Variants in SLC9A9 observed in about 807,000 individuals in gnomAD.
SLC9A9 encodes the protein solute carrier family 9 member A9.
Under a neutral mutation model 77.8 loss-of-function variants are expected in SLC9A9, and 62 were observed. The ratio of observed to expected loss-of-function variants is 0.80; its 90% CI spans 0.65 to 0.98. The LOEUF (loss-of-function observed/expected upper bound fraction) is 0.98, where lower values mean the gene tolerates loss of function less well. Ranked by LOEUF, SLC9A9 falls within the 50% of genes least tolerant of loss-of-function variation. The pLI is 0.00. For synonymous variants in SLC9A9, 320 were observed against 283.5 expected (o/e 1.13, Z -1.29); for missense variants, 775 against 774.9 (o/e 1.00, Z 0.00).
At chr3:143,510,692 A>G (rs1357093110) in intron 9 of SLC9A9, among the ~76,000 whole-genome samples, 1 of 152,182 alleles carries the variant, frequency 6.6e-6, no homozygotes, top group African/African-American at 2.4e-5. Context: ...CATATGTTCC[A>G]GTAATTTTGC....
chr3:143,640,005 CTTTCTTTTTT>C (rs1283251925), intron 6 of SLC9A9, among the ~76,000 whole-genome samples: 8 of 141,978 alleles, frequency 5.6e-5, no homozygotes, highest in African/African-American at 1.1e-4. Context: ...TCAGTAATTC[CTTTCTTTTTT>C]TTTCTTTTTT....
chr3:143,450,554 T>C (rs1170220974), intron 12 of SLC9A9, among the ~76,000 whole-genome samples: 1 of 150,792 alleles, frequency 6.6e-6, no homozygotes, highest in African/African-American at 2.4e-5. Flanking sequence ...TTAACAAGCA[T>C]GTATTATTTT....
At chr3:143,447,416 T>TA (rs2034865419) in intron 12 of SLC9A9, among the ~76,000 whole-genome samples, 1 of 152,236 alleles carries the variant, frequency 6.6e-6, no homozygotes, top group Admixed American at 6.5e-5. Context: ...GTCTTGTGTT[T>TA]CTTTTGTTGC....
chr3:143,608,128 G>A (rs1360852898), intron 6 of SLC9A9, among the ~76,000 whole-genome samples: 3 of 152,170 alleles, frequency 2.0e-5, no homozygotes, highest in Admixed American at 1.3e-4. Flanking sequence ...ACATAATGGT[G>A]AAGAATAGCA....
chr3:143,750,735 A>G (rs202124990), intron 4 of SLC9A9, among the ~76,000 whole-genome samples: 2 of 34,666 alleles, frequency 5.8e-5, no homozygotes, highest in African/African-American at 1.7e-4. Context: ...ATATATATCT[A>G]TATATATATA....
intron 1 of SLC9A9, among the ~76,000 whole-genome samples, chr3:143,835,174 C>T (rs754010734): frequency 6.6e-6 from 1 of 152,216 alleles, no homozygotes; most frequent in East Asian, 1.9e-4. Flanking sequence ...TGACAGCTGT[C>T]CTGGCATCCT....
chr3:143,813,603 C>T (rs1361521388), intron 2 of SLC9A9, among the ~76,000 whole-genome samples: 1 of 152,148 alleles, frequency 6.6e-6, no homozygotes, highest in African/African-American at 2.4e-5. Context: ...CCAGTTGGGT[C>T]TCTCTGGGTG....
chr3:143,582,208 C>G (rs914369256), intron 6 of SLC9A9, among the ~76,000 whole-genome samples: 1 of 152,110 alleles, frequency 6.6e-6, no homozygotes, highest in African/African-American at 2.4e-5. Flanking sequence ...TTAATTTGAG[C>G]CCAAGATCTG....
chr3:143,477,330 A>ATTTTTTTTTTTTT (rs59195338), intron 11 of SLC9A9, among the ~76,000 whole-genome samples: 1 of 100,014 alleles, frequency 1.0e-5, no homozygotes, highest in African/African-American at 3.8e-5. Context: ...GGCTTCTTCA[A>ATTTTTTTTTTTTT]TTTTTTTTTT....
chr3:143,368,112 A>G (rs2032958335), intron 13 of SLC9A9, among the ~76,000 whole-genome samples: 1 of 152,222 alleles, frequency 6.6e-6, no homozygotes, highest in South Asian at 2.1e-4. Flanking sequence ...TTTTTCTGCG[A>G]AACTTTTAGA....
intron 6 of SLC9A9, among the ~76,000 whole-genome samples, chr3:143,590,061 T>C (rs888110435): frequency 6.6e-6 from 1 of 152,236 alleles, no homozygotes; most frequent in Admixed American, 6.5e-5. Flanking sequence ...ACCTCTCCTC[T>C]ATATTGAATG....
intron 6 of SLC9A9, among the ~76,000 whole-genome samples, chr3:143,605,642 T>A (rs2037909030): frequency 6.6e-6 from 1 of 152,224 alleles, no homozygotes; most frequent in South Asian, 2.1e-4. Context: ...GACCACACAT[T>A]TGTAACTTAA....
chr3:143,466,912 A>T (rs983210052), intron 12 of SLC9A9, 125 bp downstream of exon 12: 2 of 1,236,776 alleles, frequency 1.6e-6, no homozygotes, highest in Admixed American at 4.0e-5. Context: ...GTGAAGGTCA[A>T]CTTGACTGCT....
At chr3:143,333,457 C>T (rs1406490674) in intron 14 of SLC9A9, among the ~76,000 whole-genome samples, 1 of 152,194 alleles carries the variant, frequency 6.6e-6, no homozygotes, top group Non-Finnish European at 1.5e-5. Flanking sequence ...TGAAACTTCT[C>T]TTCTAGAGTC....
At chr3:143,757,577 C>T (rs1204029062) in intron 4 of SLC9A9, among the ~76,000 whole-genome samples, 5 of 152,042 alleles carry the variant, frequency 3.3e-5, no homozygotes, top group Admixed American at 2.6e-4. Flanking sequence ...CAATGGATGC[C>T]TGACTCTCCC....
chr3:143,614,398 CTG>C (rs2038070517), intron 6 of SLC9A9, among the ~76,000 whole-genome samples: 1 of 152,210 alleles, frequency 6.6e-6, no homozygotes, highest in African/African-American at 2.4e-5. Context: ...GCAACCATTT[CTG>C]CCTCTCTTTC....
chr3:143,837,676 G>GAACTC (rs2009603040), intron 1 of SLC9A9, among the ~76,000 whole-genome samples: 1 of 152,122 alleles, frequency 6.6e-6, no homozygotes, highest in African/African-American at 2.4e-5. Context: ...AGGGGAAGTT[G>GAACTC]AACTCACTCC....
intron 6 of SLC9A9, among the ~76,000 whole-genome samples, chr3:143,636,765 C>T (rs2038529512): frequency 6.6e-6 from 1 of 152,204 alleles, no homozygotes; most frequent in African/African-American, 2.4e-5. Context: ...GAGACTTCTA[C>T]TTCCCCATCT....
intron 8 of SLC9A9, among the ~76,000 whole-genome samples, chr3:143,572,318 T>C (rs1447434827): frequency 6.6e-6 from 1 of 152,024 alleles, no homozygotes; most frequent in African/African-American, 2.4e-5. Flanking sequence ...TGTGTGTGTG[T>C]GTGTGCGCGT....
Sources: gnomAD v4.1 joint callset for allele counts (sites outside exome capture counted in the v4.1 genomes callset) on GRCh38, gnomAD v4.1.1 for gene constraint, MANE v1.5 for transcripts, NCBI Gene and HGNC (gene_info 2026-07-23, HGNC 2026-07-21) for gene names.